PSAP: variants seen among roughly 807,000 people sequenced by gnomAD.
PSAP encodes prosaposin.
PSAP carries 25 observed loss-of-function variants against 66.0 expected under a neutral mutation model. The observed-to-expected ratio is 0.38, with a 90% CI of 0.28 to 0.53. The LOEUF (loss-of-function observed/expected upper bound fraction) is 0.53, where lower values mean the gene tolerates loss of function less well. Ranked by LOEUF, PSAP falls within the 20% of genes least tolerant of loss-of-function variation. The pLI, the probability that PSAP is intolerant of heterozygous loss-of-function variation, is 0.83. For missense variants in PSAP, 649 were observed against 668.8 expected (o/e 0.97, Z 0.33); for synonymous variants, 273 against 258.9 (o/e 1.05, Z -0.52).
intron 1 of PSAP, among the ~76,000 whole-genome samples, chr10:71,840,298 A>C (rs1195356202): frequency 6.6e-6 from 1 of 152,204 alleles, no homozygotes; most frequent in African/African-American, 2.4e-5. Context: ...CCATGGCAAC[A>C]GGCAGGTTGC....
chr10:71,826,624 T>C (rs1842402913), intron 6 of PSAP, among the ~76,000 whole-genome samples: 1 of 152,006 alleles, frequency 6.6e-6, no homozygotes, highest in East Asian at 1.9e-4. Context: ...ACTCCTGTAA[T>C]CCCAGCTACT....
At chr10:71,832,033 G>C in intron 2 of PSAP, 113 bp from the exon 3 acceptor site, 1 of 1,068,566 alleles carries the variant, frequency 9.4e-7, no homozygotes, top group Non-Finnish European at 1.4e-6. Flanking sequence ...ATATGATCAT[G>C]ACCGCGCTCC....
chr10:71,850,255 C>T (rs1344724681), intron 1 of PSAP, among the ~76,000 whole-genome samples: 1 of 151,872 alleles, frequency 6.6e-6, no homozygotes, highest in Admixed American at 6.5e-5. Flanking sequence ...AAATATTTTA[C>T]AACGTGCTCG....
At chr10:71,821,124 A>T (rs1842293089) in intron 8 of PSAP, among the ~76,000 whole-genome samples, 1 of 152,254 alleles carries the variant, frequency 6.6e-6, no homozygotes, top group Admixed American at 6.5e-5. Flanking sequence ...CCTGGATTCC[A>T]GCTGACACTT....
intron 12 of PSAP, 143 bp downstream of exon 12, chr10:71,818,888 C>T: frequency 9.8e-7 from 1 of 1,021,216 alleles, no homozygotes; most frequent in African/African-American, 1.6e-5. Context: ...GCTTGGGGGG[C>T]TGGCTCCCTA....
intron 1 of PSAP, among the ~76,000 whole-genome samples, chr10:71,850,955 C>A (rs1842916310): frequency 6.6e-6 from 1 of 152,236 alleles, no homozygotes; most frequent in Non-Finnish European, 1.5e-5. Flanking sequence ...GAGATGCTGC[C>A]CAGGGCCTGG....
Position 71,831,187 on chromosome 10 carries a change from G to A in PSAP, c.314C>T (p.Ser105Leu), listed in dbSNP as rs1842506501. Residue 105 changes from serine to leucine, a missense_variant, in exon 4 of 14, where the codon TCA becomes TTA. By Grantham distance (145) the Ser-to-Leu change is moderately radical (BLOSUM62 -2). Coordinates refer to ENST00000394936, the MANE Select transcript of PSAP (RefSeq NM_002778.4). ...GTAGGAGTCCACTATCTCCTTGCAT[G>A]AAGCAGACATGTTCGGTTTCGGAAG... ...DWLPKPNMSA[S>L]CKEIVDSYLP... is the part of the protein sequence containing the mutation. 6.2e-7 allele frequency: 1 copy of A among 1,614,034 alleles called. No individual in the cohort carries two copies. The highest frequency in any genetic ancestry group is 1.1e-5 in the South Asian group (1 of 91,078).
At chr10:71,848,629 C>T (rs554301762) in intron 1 of PSAP, among the ~76,000 whole-genome samples, 1 of 152,264 alleles carries the variant, frequency 6.6e-6, no homozygotes, top group African/African-American at 2.4e-5. Context: ...AATACAAAGC[C>T]CATCCCGATT....
At chr10:71,843,651 T>A (rs1484126490) in intron 1 of PSAP, among the ~76,000 whole-genome samples, 1 of 152,206 alleles carries the variant, frequency 6.6e-6, no homozygotes, top group Non-Finnish European at 1.5e-5. Context: ...TTATTAGACG[T>A]CGATGTCCAT....
In PSAP at chr10:71,828,883, C is replaced by A. The variant is rs142272618; in HGVS notation, c.570G>T (p.Gln190His). ...GGCCAGCCCGTTGTCTTACCTTTGG[C>A]TGGGGCTTGCTGCGGGGGCCGTCCT... ...YPQDGPRSKPQPKDNGDVCQD... is the reference protein window; with the variant it reads ...YPQDGPRSKPHPKDNGDVCQD... Residue 190 changes from glutamine to histidine, a missense_variant, in exon 5 of 14, where the codon CAG becomes CAT. By Grantham distance (24) the Gln-to-His change is conservative. Transcript: ENST00000394936. The A allele has an allele frequency of 1.2e-3, 1,973 of 1,613,952 alleles. 25 individuals carry two copies. In the African/African-American group the frequency reaches 0.024, roughly 20 times the overall value.
At chr10:71,821,855 A>G (rs1400552934) in intron 8 of PSAP, 21 bp downstream of exon 8, 5 of 1,614,154 alleles carry the variant, frequency 3.1e-6, no homozygotes, top group Non-Finnish European at 4.2e-6. Flanking sequence ...CCTGACCAGG[A>G]CACAAAGTGA....
At chr10:71,817,555 C>G in intron 13 of PSAP, 79 bp from the exon 14 acceptor site, 1 of 1,379,082 alleles carries the variant, frequency 7.3e-7, no homozygotes, top group South Asian at 1.2e-5. Context: ...CAGATATCAC[C>G]CCAAAACAGG....
intron 11 of PSAP, 130 bp downstream of exon 11, chr10:71,819,334 CA>C (rs1842243168): frequency 7.2e-7 from 1 of 1,386,926 alleles, no homozygotes; most frequent in Admixed American, 1.8e-5. Flanking sequence ...AAATCACCTC[CA>C]AGTAAAACTT....
Position 71,816,861 on chromosome 10 carries a change from C to T in PSAP, c.*580G>A, listed in dbSNP as rs976385816. The T allele has an allele frequency of 5.3e-6, 1 of 189,908 alleles. No homozygotes were observed. Among genetic ancestry groups the T allele is most frequent in the Admixed American group, 5.3e-5 (1 of 18,794 alleles). 11.8% of individuals were successfully genotyped at this position (189,908 alleles called of 1,614,324 possible). A position where few individuals can be genotyped will look rare whatever the true frequency, so the allele number is the denominator to read the frequency against. On this transcript the variant is annotated 3_prime_UTR_variant, in exon 14 of 14. Transcript: ENST00000394936. ...AGAGAACCCTTGGCCCCACTGATGT[C>T]CCAAGCCACCAGCAGCTGCTTCCAA...
At chr10:71,821,398 T>A (rs1358832163) in intron 8 of PSAP, among the ~76,000 whole-genome samples, 1 of 152,180 alleles carries the variant, frequency 6.6e-6, no homozygotes, top group East Asian at 1.9e-4. Flanking sequence ...TGGGATGAAG[T>A]AGTCTAATCT....
At chr10:71,838,313 C>T (rs1024299324) in intron 1 of PSAP, among the ~76,000 whole-genome samples, 6 of 152,220 alleles carry the variant, frequency 3.9e-5, no homozygotes, top group Non-Finnish European at 8.8e-5. Flanking sequence ...AGGAGAGACA[C>T]GCCCATGAGC....
chr10:71,847,952 C>T (rs1430265410), intron 1 of PSAP, among the ~76,000 whole-genome samples: 1 of 152,138 alleles, frequency 6.6e-6, no homozygotes, highest in Admixed American at 6.5e-5. Flanking sequence ...CAACATTCAG[C>T]AGGCTAGCCA....
intron 1 of PSAP, among the ~76,000 whole-genome samples, chr10:71,849,677 CTT>C (rs1224241547): frequency 6.6e-6 from 1 of 152,190 alleles, no homozygotes; most frequent in Non-Finnish European, 1.5e-5. Context: ...TTTCTTTTCT[CTT>C]TTTCTTTTTT....
Position 71,831,137 on chromosome 10 carries a change from T to C in PSAP, c.364A>G (p.Lys122Glu), listed in dbSNP as rs1182591059. 1 of 1,614,106 alleles carries C rather than the reference T, an allele frequency of 6.2e-7. No individual in the cohort carries two copies. Residue 122 changes from lysine (K) to glutamate (E), a missense_variant, in exon 4 of 14, where the codon AAA becomes GAA. By Grantham distance (56) the Lys-to-Glu change is moderately conservative (BLOSUM62 1). Transcript: ENST00000394936. ...TCCCCATCACTTACCATTTCTCCTT[T>C]AATGATGTCCAGGATGACAGGGAGG... ...SYLPVILDII[K>E]GEMSRPGEVC...
Sources: allele counts gnomAD v4.1 joint callset (sites outside exome capture counted in the v4.1 genomes callset), GRCh38; gene constraint gnomAD v4.1.1; transcripts MANE v1.5; gene names NCBI Gene and HGNC (gene_info 2026-07-23, HGNC 2026-07-21).